The following HTR1D variants were observed in gnomAD, a reference collection of about 807,000 sequenced individuals.
HTR1D encodes the protein 5-HT-1D.
Under a neutral mutation model 21.1 loss-of-function variants are expected in HTR1D, and 18 were observed. That is an observed-to-expected ratio of 0.85 (90% confidence interval 0.59 to 1.27). The LOEUF is 1.27. HTR1D is among the 50% of genes most tolerant of loss of function. The pLI is 0.00. For synonymous variants in HTR1D, 196 were observed against 204.4 expected, an observed-to-expected ratio of 0.96 and a Z score of 0.35; for missense variants, 456 against 481.4, an observed-to-expected ratio of 0.95 and a Z score of 0.49.
Position 23,217,349 on chromosome 1 carries a change from G to A in HTR1D, c.-841C>T, listed in dbSNP as rs2148246214. On this transcript the variant is annotated 5_prime_UTR_variant, in exon 1 of 2. Coordinates refer to ENST00000374619, the MANE Select transcript of HTR1D (RefSeq NM_000864.5). The surrounding 1 kb of genome is among the most constrained non-coding windows in gnomAD (Gnocchi z 4.6). ...GTACCCGCCCGATCCACTTCCTCGCGCGGCGTCTCCCCGTCGCGGCCGCCT... is the reference window on the plus strand; with the variant it reads ...GTACCCGCCCGATCCACTTCCTCGCACGGCGTCTCCCCGTCGCGGCCGCCT... 6.6e-6 allele frequency among the ~76,000 whole-genome samples: 1 copy of A among 151,712 alleles called. No individual in the cohort carries two copies. The highest frequency in any genetic ancestry group is 3.4e-3 in the Middle Eastern group (1 of 292).
intron 1 of HTR1D, among the ~76,000 whole-genome samples, chr1:23,206,899 G>A (rs1044275817): frequency 6.6e-6 from 1 of 152,170 alleles, no homozygotes; most frequent in African/African-American, 2.4e-5. Flanking sequence ...GGAACTGGTG[G>A]GGAATGGGCC....
In HTR1D at chr1:23,194,170, T is replaced by G. The variant is rs751782598; in HGVS notation, c.50A>C (p.Asn17Thr). ...GGTTTCTGTGGCATTCAGGGATCTG[T>G]TGGAGGCCTCCTGGGGAAGGCCTTC... The part of the protein sequence containing the change: ...SAEGLPQEAS[N>T]RSLNATETSE... Residue 17 changes from asparagine to threonine, a missense_variant, in exon 2 of 2, where the codon AAC becomes ACC. Coordinates refer to ENST00000374619, the MANE Select transcript of HTR1D (RefSeq NM_000864.5). The G allele has an allele frequency of 6.2e-7, 1 of 1,614,044 alleles. No individual in the cohort carries two copies.
intron 1 of HTR1D, among the ~76,000 whole-genome samples, chr1:23,203,812 A>G (rs1376578111): frequency 1.3e-5 from 2 of 152,180 alleles, no homozygotes; most frequent in African/African-American, 4.8e-5. Flanking sequence ...AGCACTATTC[A>G]TAACAACCCC....
chr1:23,203,516 G>C (rs878922195), intron 1 of HTR1D, among the ~76,000 whole-genome samples: 5 of 152,116 alleles, frequency 3.3e-5, no homozygotes, highest in South Asian at 2.1e-4. Context: ...AATTAGCCAG[G>C]CATGGTGGCA....
At chr1:23,202,688 C>T (rs950414448) in intron 1 of HTR1D, among the ~76,000 whole-genome samples, 5 of 152,144 alleles carry the variant, frequency 3.3e-5, no homozygotes, top group African/African-American at 1.2e-4. Flanking sequence ...AAGCTGTGTA[C>T]ACAGATGAGT....
At position 23,194,274 on chromosome 1, in the gene HTR1D, G is replaced by T; in HGVS notation, c.-55C>A. 1 of 1,525,258 alleles carries T rather than the reference G, an allele frequency of 6.6e-7. No homozygotes were observed. The highest frequency in any genetic ancestry group is 1.3e-5 in the South Asian group (1 of 79,872). The allele number at this position is 1,525,258 out of a possible 1,614,324, so 94.5% of individuals were successfully genotyped here. A position where few individuals can be genotyped will look rare whatever the true frequency, so the allele number is the denominator to read the frequency against. ...CCACACATTTGGCTCCTTCCTTCAA[G>T]GTTGTCCTGACAACAGAGCAAAGTC... On this transcript the variant is annotated 5_prime_UTR_variant, in exon 2 of 2. Coordinates refer to ENST00000374619, the MANE Select transcript of HTR1D (RefSeq NM_000864.5).
chr1:23,193,405 A>C lies in HTR1D; in HGVS notation c.815T>G (p.Leu272Arg). 4 of 1,614,160 alleles carry C rather than the reference A, an allele frequency of 2.5e-6. No individual in the cohort carries two copies. The highest frequency in any genetic ancestry group is 3.4e-6 in the Non-Finnish European group (4 of 1,180,038). Residue 272 changes from leucine to arginine, a missense_variant, in exon 2 of 2, where the codon CTC (leucine) becomes CGC (arginine). Leu to Arg is a moderately radical substitution (Grantham distance 102). Coordinates refer to ENST00000374619, the MANE Select transcript of HTR1D (RefSeq NM_000864.5). ...CTTGATTTTCACGTGGTTGAAAAAG[A>C]GAGGGGAGCCAGCCGAGTGCGAGTG... ...EGHSHSAGSP[L>R]FFNHVKIKLA...
In HTR1D at chr1:23,194,881, G is replaced by A. The variant is rs539748828; in HGVS notation, c.-662C>T. 1.2e-4 allele frequency among the ~76,000 whole-genome samples: 19 copies of A among 152,252 alleles called. No individual in the cohort carries two copies. Among genetic ancestry groups the A allele is most frequent in the Non-Finnish European group, 2.5e-4 (17 of 68,032 alleles). Reference sequence around the variant, plus strand: ...AACTTCGGTTCCTATCCCACTGATCGTTTTAGAGCCTGAACAGACAAAACA... The same window carrying A: ...AACTTCGGTTCCTATCCCACTGATCATTTTAGAGCCTGAACAGACAAAACA... On this transcript the variant is annotated 5_prime_UTR_variant, in exon 2 of 2. In the 5' UTR this introduces an upstream ATG that the reference lacks. Coordinates refer to ENST00000374619, the MANE Select transcript of HTR1D (RefSeq NM_000864.5).
chr1:23,192,977 CAAGATA>C lies in HTR1D; in HGVS notation c.*103_*108del. 2 of 666,118 alleles carry C rather than the reference CAAGATA, an allele frequency of 3.0e-6. No individual in the cohort carries two copies. Among genetic ancestry groups the C allele is most frequent in the South Asian group, 2.4e-5 (1 of 41,382 alleles). 41.3% of individuals were successfully genotyped at this position (666,118 alleles called of 1,614,324 possible). Reference sequence around the variant, plus strand: ...CAATTCTGTTGATTGAACCAAGACTCAAGATACCATGAATTAATCCAAGTCTCAGAA... The same window carrying C: ...CAATTCTGTTGATTGAACCAAGACTCCCATGAATTAATCCAAGTCTCAGAA... On this transcript the variant is annotated 3_prime_UTR_variant, in exon 2 of 2. Coordinates refer to ENST00000374619, the MANE Select transcript of HTR1D (RefSeq NM_000864.5).
intron 1 of HTR1D, among the ~76,000 whole-genome samples, chr1:23,199,312 C>A (rs1331385969): frequency 6.6e-6 from 1 of 150,840 alleles, no homozygotes; most frequent in African/African-American, 2.4e-5. Flanking sequence ...GTGGGGTCTC[C>A]CTATGTTGTC....
At chr1:23,206,882 G>A (rs986814273) in intron 1 of HTR1D, among the ~76,000 whole-genome samples, 2 of 152,152 alleles carry the variant, frequency 1.3e-5, no homozygotes, top group African/African-American at 4.8e-5. Flanking sequence ...GTCTATGAAA[G>A]GCTCCAGGAA....
At chr1:23,208,751 T>A (rs1227939142) in intron 1 of HTR1D, among the ~76,000 whole-genome samples, 1 of 152,106 alleles carries the variant, frequency 6.6e-6, no homozygotes, top group Non-Finnish European at 1.5e-5. Flanking sequence ...GTAAAATGAC[T>A]GGCTCCCAGC....
In HTR1D at chr1:23,192,995, T is replaced by C; in HGVS notation, c.*91A>G. On this transcript the variant is annotated 3_prime_UTR_variant, in exon 2 of 2. Transcript: ENST00000374619. ...CAAGACTCAAGATACCATGAATTAA[T>C]CCAAGTCTCAGAAAATAATTAAAAA... The C allele has an allele frequency of 1.3e-6, 1 of 756,822 alleles. No individual in the cohort carries two copies. Among genetic ancestry groups the C allele is most frequent in the South Asian group, 2.2e-5 (1 of 44,996 alleles). The allele number at this position is 756,822 out of a possible 1,614,324, so 46.9% of individuals were successfully genotyped here.
At chr1:23,211,340 T>A (rs987568512) in intron 1 of HTR1D, among the ~76,000 whole-genome samples, 1 of 152,040 alleles carries the variant, frequency 6.6e-6, no homozygotes, top group Non-Finnish European at 1.5e-5. Flanking sequence ...ACAGATATGA[T>A]GAGGATAACA....
intron 1 of HTR1D, among the ~76,000 whole-genome samples, chr1:23,211,514 GA>G (rs1391903304): frequency 6.6e-6 from 1 of 152,074 alleles, no homozygotes; most frequent in Admixed American, 6.6e-5. Flanking sequence ...TAAAAACAAG[GA>G]ATTAGCAAGT....
chr1:23,207,226 C>T (rs1644734998), intron 1 of HTR1D, among the ~76,000 whole-genome samples: 1 of 152,026 alleles, frequency 6.6e-6, no homozygotes, highest in East Asian at 1.9e-4. Context: ...GGAGAAACCC[C>T]GTCTCTACTA....
intron 1 of HTR1D, among the ~76,000 whole-genome samples, chr1:23,202,791 T>C (rs148295022): frequency 2.0e-4 from 30 of 152,188 alleles, no homozygotes; most frequent in African/African-American, 6.7e-4. Context: ...TCTCATTCTC[T>C]CTCCTGCATG....
In HTR1D at chr1:23,193,583, G is replaced by A. The variant is rs1487276886; in HGVS notation, c.637C>T (p.Leu213Phe). 6.2e-7 allele frequency: 1 copy of A among 1,614,056 alleles called. No individual in the cohort carries two copies. Among genetic ancestry groups the A allele is most frequent in the Non-Finnish European group, 8.5e-7 (1 of 1,179,954 alleles). The change falls in exon 2 of 2, where the codon CTC becomes TTC. Residue 213 changes from leucine (L) to phenylalanine (F), a missense_variant. Coordinates refer to ENST00000374619, the MANE Select transcript of HTR1D (RefSeq NM_000864.5). Reference sequence around the variant, plus strand: ...TAGATCCGGCCATATAGGATGATGAGCAACACCGAGGGAATGTAGAAGGCC... The same window carrying A: ...TAGATCCGGCCATATAGGATGATGAACAACACCGAGGGAATGTAGAAGGCC... ...CGAFYIPSVLLIILYGRIYRA... is the reference protein window; with the variant it reads ...CGAFYIPSVLFIILYGRIYRA...
chr1:23,204,732 G>C (rs371874481), intron 1 of HTR1D, among the ~76,000 whole-genome samples: 1 of 152,198 alleles, frequency 6.6e-6, no homozygotes, highest in African/African-American at 2.4e-5. Context: ...CTTGCACTCT[G>C]TCATTGCCAT....
Sources: gnomAD v4.1 joint callset for allele counts (sites outside exome capture counted in the v4.1 genomes callset) on GRCh38, gnomAD v4.1.1 for gene constraint, Gnocchi (gnomAD v3.1) non-coding constraint, MANE v1.5 for transcripts, NCBI Gene and HGNC (gene_info 2026-07-23, HGNC 2026-07-21) for gene names.